The following RGS6 variants were observed in gnomAD, a reference collection of about 807,000 sequenced individuals.
The protein encoded by RGS6 is regulator of G-protein signaling 6.
In RGS6, 30 loss-of-function variants were observed where a neutral mutation model predicts 78.5. The observed-to-expected ratio is 0.38, with a 90% CI of 0.29 to 0.52. The LOEUF (loss-of-function observed/expected upper bound fraction) is 0.52, where lower values mean the gene tolerates loss of function less well. Among genes scored for constraint, RGS6 ranks in the 20% least tolerant of loss-of-function variants. The probability of loss-of-function intolerance (pLI) is 0.85; values close to 1 mark genes in which losing one functional copy is unlikely to be tolerated. For missense variants in RGS6, 495 were observed against 609.7 expected (o/e 0.81, Z 1.98); for synonymous variants, 206 against 206.0 (o/e 1.00, Z 0.00).
chr14:72,378,319 CA>C (rs950864490), intron 3 of RGS6, among the ~76,000 whole-genome samples: 17 of 151,728 alleles, frequency 1.1e-4, no homozygotes, highest in Admixed American at 8.5e-4. Context: ...GAGAACAAAC[CA>C]ATCCAAAGTT....
intron 3 of RGS6, among the ~76,000 whole-genome samples, chr14:72,372,385 A>G (rs1566654165): frequency 6.6e-6 from 1 of 152,194 alleles, no homozygotes; most frequent in Non-Finnish European, 1.5e-5. Flanking sequence ...AGGTTCTATG[A>G]CACCATTTTC....
At chr14:72,579,827 G>A in the RGS6 span, among the ~76,000 whole-genome samples, 1 of 152,200 alleles carries the variant, frequency 6.6e-6, no homozygotes, top group African/African-American at 2.4e-5. Flanking sequence ...GGCCACTGAA[G>A]TAACTAAGAT....
chr14:72,411,640 G>C (rs1289585096), intron 3 of RGS6, among the ~76,000 whole-genome samples: 2 of 152,170 alleles, frequency 1.3e-5, no homozygotes, highest in Non-Finnish European at 1.5e-5. Flanking sequence ...TCCCTGTCTT[G>C]TGCCAGTTTT....
intron 2 of RGS6, among the ~76,000 whole-genome samples, chr14:72,180,574 G>T (rs906159185): frequency 6.6e-6 from 1 of 152,148 alleles, no homozygotes; most frequent in African/African-American, 2.4e-5. Context: ...TTTAATTGAG[G>T]TTTATTATCA....
intron 3 of RGS6, among the ~76,000 whole-genome samples, chr14:72,441,525 C>T (rs2095200568): frequency 6.6e-6 from 1 of 152,250 alleles, no homozygotes; most frequent in South Asian, 2.1e-4. Flanking sequence ...GAGGGCTGGC[C>T]TCTTGCAGCC....
intron 17 of RGS6, among the ~76,000 whole-genome samples, chr14:72,556,713 G>GAA (rs11393975): frequency 4.0e-4 from 58 of 143,840 alleles, no homozygotes; most frequent in South Asian, 1.1e-3. Flanking sequence ...GCTGTTGCAA[G>GAA]AAAAAAAAAT....
intron 2 of RGS6, among the ~76,000 whole-genome samples, chr14:72,006,564 G>A (rs968400472): frequency 5.9e-5 from 9 of 152,242 alleles, no homozygotes; most frequent in African/African-American, 2.2e-4. Flanking sequence ...ACACATGTGA[G>A]TGAGCTTTGA....
intron 2 of RGS6, among the ~76,000 whole-genome samples, chr14:72,044,361 G>A (rs147592251): frequency 3.0e-4 from 45 of 152,276 alleles, no homozygotes; most frequent in Admixed American, 2.4e-3. Context: ...TTGAATCAGC[G>A]TACTGAATAA....
intron 8 of RGS6, among the ~76,000 whole-genome samples, chr14:72,471,181 A>ATT (rs1416872779): frequency 2.6e-5 from 4 of 152,228 alleles, no homozygotes; most frequent in African/African-American, 9.6e-5. Flanking sequence ...AGGACAAGAG[A>ATT]TGAAAGGAAG....
intron 2 of RGS6, among the ~76,000 whole-genome samples, chr14:72,235,750 A>G (rs1222412343): frequency 2.0e-5 from 3 of 152,248 alleles, no homozygotes; most frequent in African/African-American, 7.2e-5. Context: ...AGATGGATAT[A>G]TATGTATTCT....
Position 72,391,621 on chromosome 14 carries a change from T to A in RGS6, c.184+39427T>A, listed in dbSNP as rs543606790. 2.0e-5 allele frequency among the ~76,000 whole-genome samples: 3 copies of A among 152,336 alleles called. No homozygotes were observed. In the East Asian group the frequency reaches 5.8e-4, roughly 29 times the overall value. On this transcript the variant is annotated intron_variant, in intron 3 of 17. Transcript: ENST00000553525. ...CATATATGTATATACACACACACTT[T>A]AAGTTCTAGGGTACACATGCACAAC... is the stretch of plus-strand genomic sequence containing the variant.
intron 15 of RGS6, among the ~76,000 whole-genome samples, chr14:72,525,370 A>G (rs1371462193): frequency 6.6e-6 from 1 of 152,154 alleles, no homozygotes; most frequent in African/African-American, 2.4e-5. Context: ...CCTTTCCTTA[A>G]GCGGCCCTGG....
intron 2 of RGS6, among the ~76,000 whole-genome samples, chr14:72,179,518 AG>A (rs1279517533): frequency 6.6e-6 from 1 of 152,176 alleles, no homozygotes. Flanking sequence ...GGGACAGGAA[AG>A]GGGAGCCTTC....
upstream of RGS6, chr14:71,932,335 G>A (rs1352259803): frequency 6.6e-6 from 1 of 151,276 alleles, no homozygotes; most frequent in African/African-American, 2.4e-5. Context: ...CCGGGGCCCA[G>A]GTGCCGGCGC....
chr14:72,392,816 AG>A, intron 3 of RGS6, among the ~76,000 whole-genome samples: 1 of 152,156 alleles, frequency 6.6e-6, no homozygotes, highest in Non-Finnish European at 1.5e-5. Flanking sequence ...CCTGGTCTCC[AG>A]GGTCAAGTGT....
At chr14:72,537,811 C>T in intron 16 of RGS6, 1 of 455,776 alleles carries the variant, frequency 2.2e-6, no homozygotes, top group Non-Finnish European at 3.9e-6. Context: ...CAGTCTAGGC[C>T]TGTCTACACA....
At chr14:71,977,645 A>G (rs899144278) in intron 2 of RGS6, among the ~76,000 whole-genome samples, 1 of 150,178 alleles carries the variant, frequency 6.7e-6, no homozygotes, top group Non-Finnish European at 1.5e-5. Context: ...TACCAGTACC[A>G]TGCTGTTTTG....
intron 15 of RGS6, among the ~76,000 whole-genome samples, chr14:72,524,997 G>T (rs571938368): frequency 1.3e-3 from 192 of 152,328 alleles, no homozygotes; most frequent in Non-Finnish European, 2.4e-3. Context: ...TGTACCTGGA[G>T]TGTCTGGGCC....
chr14:72,166,480 C>G (rs559702799), intron 2 of RGS6, among the ~76,000 whole-genome samples: 1 of 152,224 alleles, frequency 6.6e-6, no homozygotes, highest in East Asian at 1.9e-4. Flanking sequence ...TGTGTTGTTT[C>G]ACATACTCAG....
Sources: allele counts gnomAD v4.1 joint callset (sites outside exome capture counted in the v4.1 genomes callset), GRCh38; gene constraint gnomAD v4.1.1; transcripts MANE v1.5; gene names NCBI Gene and HGNC (gene_info 2026-07-23, HGNC 2026-07-21).